The following PIEZO2 variants were observed in gnomAD, a reference collection of about 807,000 sequenced individuals.
PIEZO2 encodes piezo-type mechanosensitive ion channel component 2.
Under a neutral mutation model 337.3 loss-of-function variants are expected in PIEZO2, and 172 were observed. The observed-to-expected ratio is 0.51, with a 90% CI of 0.45 to 0.58. PIEZO2 has a LOEUF of 0.58. Among genes scored for constraint, PIEZO2 ranks in the 20% least tolerant of loss-of-function variants. The pLI, the probability that PIEZO2 is intolerant of heterozygous loss-of-function variation, is 0.00. For missense variants in PIEZO2, 3,028 were observed against 3,391.3 expected (o/e 0.89, Z 2.66); for synonymous variants, 1,251 against 1,228.5 (o/e 1.02, Z -0.38).
At chr18:10,755,675 G>A (rs1159959937) in intron 27 of PIEZO2, among the ~76,000 whole-genome samples, 1 of 152,178 alleles carries the variant, frequency 6.6e-6, no homozygotes, top group East Asian at 1.9e-4. Context: ...CATGAGGCTG[G>A]GCAGAATGGT....
In PIEZO2 at chr18:11,027,805, A is replaced by G. The variant is rs1485066036; in HGVS notation, c.160+38322T>C. 6.7e-6 allele frequency among the ~76,000 whole-genome samples: 1 copy of G among 148,444 alleles called. No individual in the cohort carries two copies. The highest frequency in any genetic ancestry group is 1.5e-5 in the Non-Finnish European group (1 of 67,404). On this transcript the variant is annotated intron_variant, in intron 2 of 55. Coordinates refer to ENST00000674853, the MANE Select transcript of PIEZO2 (RefSeq NM_001378183.1). This position sits in a 1 kb window ranked among gnomAD's most constrained non-coding sequence, Gnocchi z 4.2. The stretch of plus-strand genomic sequence containing the variant: ...CTATCATTTAGCGTTTCAGTTCAAT[A>G]CTGAAATTTCAGCTTATGACTTGGT...
At chr18:10,737,353 C>T (rs8085239) in intron 33 of PIEZO2, among the ~76,000 whole-genome samples, 48,961 of 150,728 alleles carry the variant, frequency 0.32, 8,623 homozygotes, top group East Asian at 0.53. Flanking sequence ...ACATTGAAAA[C>T]AACACAACAC....
At chr18:11,086,661 G>A (rs1003979831) in intron 1 of PIEZO2, among the ~76,000 whole-genome samples, 7 of 152,092 alleles carry the variant, frequency 4.6e-5, no homozygotes, top group African/African-American at 1.7e-4. Flanking sequence ...TGAAGGAATT[G>A]ATAGATATGA....
In PIEZO2 at chr18:11,096,826, C is replaced by T. The variant is rs938674055; in HGVS notation, c.65-30604G>A. Among the ~76,000 whole-genome samples, 1 of 152,158 alleles carries T rather than the reference C, an allele frequency of 6.6e-6. No individual in the cohort carries two copies. The highest frequency in any genetic ancestry group is 2.4e-5 in the African/African-American group (1 of 41,434). On this transcript the variant is annotated intron_variant, in intron 1 of 55. Transcript: ENST00000674853. This position sits in a 1 kb window ranked among gnomAD's most constrained non-coding sequence, Gnocchi z 4.6. ...CTTCTGCATTTCCTGCTGCCCACTG[C>T]CAGCAAAATGGGAACAACATGGACT... is the stretch of plus-strand genomic sequence containing the variant.
At chr18:11,020,816 T>C (rs2036283601) in intron 2 of PIEZO2, among the ~76,000 whole-genome samples, 1 of 152,224 alleles carries the variant, frequency 6.6e-6, no homozygotes, top group South Asian at 2.1e-4. Context: ...ATACTTGACA[T>C]TCGTTGTTTT....
In PIEZO2 at chr18:11,104,731, A is replaced by G. The variant is rs1015378659; in HGVS notation, c.65-38509T>C. The stretch of plus-strand genomic sequence containing the variant: ...AACATGCAGGGCAGGCAAGAAATTA[A>G]CCTTTGTTGTTGCAAAGCACTGAGA... On this transcript the variant is annotated intron_variant, in intron 1 of 55. Coordinates refer to ENST00000674853, the MANE Select transcript of PIEZO2 (RefSeq NM_001378183.1). This position sits in a 1 kb window ranked among gnomAD's most constrained non-coding sequence, Gnocchi z 4.6. Among the ~76,000 whole-genome samples the G allele has an allele frequency of 4.6e-5, 7 of 152,162 alleles. No homozygotes were observed. Among genetic ancestry groups the G allele is most frequent in the African/African-American group, 1.7e-4 (7 of 41,434 alleles).
chr18:10,771,016 C>T (rs564719941), intron 20 of PIEZO2, among the ~76,000 whole-genome samples: 16 of 152,282 alleles, frequency 1.1e-4, no homozygotes, highest in Middle Eastern at 3.4e-3. Flanking sequence ...CAGGCATGAG[C>T]GCCCATGCCC....
At chr18:11,053,629 G>C (rs931648578) in intron 2 of PIEZO2, among the ~76,000 whole-genome samples, 2 of 152,112 alleles carry the variant, frequency 1.3e-5, no homozygotes, top group Admixed American at 6.5e-5. Context: ...TTTCCATATT[G>C]CATCTGTTTC....
intron 4 of PIEZO2, among the ~76,000 whole-genome samples, chr18:10,889,219 C>T (rs534991551): frequency 6.6e-6 from 1 of 152,318 alleles, no homozygotes; most frequent in East Asian, 1.9e-4. Flanking sequence ...CAAGTACTAT[C>T]AGTTTTTTCC....
intron 43 of PIEZO2, 51 bp downstream of exon 43, chr18:10,701,938 T>C: frequency 2.1e-6 from 3 of 1,431,270 alleles, no homozygotes; most frequent in Non-Finnish European, 2.7e-6. Context: ...ACGGTCCAGG[T>C]TATCTAGGAA....
intron 3 of PIEZO2, among the ~76,000 whole-genome samples, chr18:10,912,768 T>C (rs1178463863): frequency 6.6e-6 from 1 of 152,186 alleles, no homozygotes; most frequent in Non-Finnish European, 1.5e-5. Context: ...ATCATGATCA[T>C]GGGGTTTTGC....
intron 2 of PIEZO2, among the ~76,000 whole-genome samples, chr18:11,051,651 C>T (rs1271986523): frequency 1.3e-5 from 2 of 152,166 alleles, no homozygotes; most frequent in Non-Finnish European, 2.9e-5. Flanking sequence ...AAACAATTTC[C>T]AGCAGAGAGT....
At chr18:10,921,373 T>C (rs1345584874) in intron 3 of PIEZO2, among the ~76,000 whole-genome samples, 2 of 152,160 alleles carry the variant, frequency 1.3e-5, no homozygotes, top group African/African-American at 4.8e-5. Flanking sequence ...TTCATAGACA[T>C]TTGTTAGTTC....
At chr18:10,714,668 A>T in intron 39 of PIEZO2, 96 bp downstream of exon 39, 2 of 1,398,082 alleles carry the variant, frequency 1.4e-6, no homozygotes, top group Non-Finnish European at 1.9e-6. Flanking sequence ...CATGGTTTTG[A>T]TGAACTTTCA....
At chr18:10,925,970 C>G (rs998226517) in intron 3 of PIEZO2, among the ~76,000 whole-genome samples, 1 of 152,202 alleles carries the variant, frequency 6.6e-6, no homozygotes, top group Non-Finnish European at 1.5e-5. Flanking sequence ...TTCACTCATT[C>G]TAAGTTAGCT....
chr18:10,960,191 C>T (rs1044116415), intron 3 of PIEZO2, among the ~76,000 whole-genome samples: 1 of 152,010 alleles, frequency 6.6e-6, no homozygotes, highest in African/African-American at 2.4e-5. Flanking sequence ...ATAGTATGTA[C>T]TATAATTATT....
rs77911666 is a variant in PIEZO2, at chr18:10,982,240, A to T, written c.161-2580T>A. The stretch of plus-strand genomic sequence containing the variant: ...TATTCGGGTTCTCTAGAGGGACAGG[A>T]CTAATAAGATAGATGCATATATCAA... On this transcript the variant is annotated intron_variant, in intron 2 of 55. Transcript: ENST00000674853. This position sits in a 1 kb window ranked among gnomAD's most constrained non-coding sequence, Gnocchi z 4.1. 6.6e-6 allele frequency among the ~76,000 whole-genome samples: 1 copy of T among 152,200 alleles called. No individual in the cohort carries two copies. The highest frequency in any genetic ancestry group is 6.5e-5 in the Admixed American group (1 of 15,276).
intron 2 of PIEZO2, among the ~76,000 whole-genome samples, chr18:10,996,740 T>C (rs2035336889): frequency 6.6e-6 from 1 of 152,232 alleles, no homozygotes; most frequent in African/African-American, 2.4e-5. Flanking sequence ...TTGGGTTGTT[T>C]ATACAGTTTA....
At chr18:10,736,371 C>A in intron 34 of PIEZO2, among the ~76,000 whole-genome samples, 1 of 152,142 alleles carries the variant, frequency 6.6e-6, no homozygotes, top group Non-Finnish European at 1.5e-5. Context: ...TGTTTCAGTG[C>A]CAGTGAATGA....
Sources: gnomAD v4.1 joint callset for allele counts (sites outside exome capture counted in the v4.1 genomes callset) on GRCh38, gnomAD v4.1.1 for gene constraint, Gnocchi (gnomAD v3.1) non-coding constraint, MANE v1.5 for transcripts, NCBI Gene and HGNC (gene_info 2026-07-23, HGNC 2026-07-21) for gene names.